The following ADAMTS20 variants were observed in gnomAD, a reference collection of about 807,000 sequenced individuals.
ADAMTS20 encodes A disintegrin and metalloproteinase with thrombospondin motifs 20.
A neutral mutation model predicts 260.1 loss-of-function variants in ADAMTS20; 225 were observed. The observed-to-expected ratio is 0.87, with a 90% CI of 0.78 to 0.97. The LOEUF (loss-of-function observed/expected upper bound fraction) is 0.97. Among genes scored for constraint, ADAMTS20 ranks in the 50% least tolerant of loss-of-function variants. The probability of loss-of-function intolerance (pLI) is 0.00; values close to 1 mark genes in which losing one functional copy is unlikely to be tolerated. For missense variants in ADAMTS20, 2,400 were observed against 2,337.7 expected (o/e 1.03, Z -0.55); for synonymous variants, 802 against 769.5 (o/e 1.04, Z -0.70).
intron 29 of ADAMTS20, 113 bp downstream of exon 29, chr12:43,398,953 T>C (rs1940755296): frequency 1.0e-5 from 7 of 670,736 alleles, no homozygotes; most frequent in African/African-American, 1.9e-5. Flanking sequence ...CAAAAAAGTA[T>C]ATAACAATAA....
At chr12:43,525,692 A>C (rs1943132160) in intron 3 of ADAMTS20, among the ~76,000 whole-genome samples, 1 of 152,258 alleles carries the variant, frequency 6.6e-6, no homozygotes, top group Non-Finnish European at 1.5e-5. Context: ...CATTGAATGC[A>C]AATGGAAACC....
intron 28 of ADAMTS20, among the ~76,000 whole-genome samples, chr12:43,411,790 T>A (rs1941036819): frequency 6.6e-6 from 1 of 152,218 alleles, no homozygotes; most frequent in South Asian, 2.1e-4. Flanking sequence ...ATTTCCTCAA[T>A]CTGTAAGAAA....
At chr12:43,489,113 C>T (rs1735932952) in intron 7 of ADAMTS20, among the ~76,000 whole-genome samples, 1 of 149,744 alleles carries the variant, frequency 6.7e-6, no homozygotes, top group Admixed American at 6.6e-5. Context: ...AATATGATGT[C>T]AAAAAAAATT....
At chr12:43,474,944 C>T (rs1488026938) in intron 7 of ADAMTS20, among the ~76,000 whole-genome samples, 18 of 90,248 alleles carry the variant, frequency 2.0e-4, no homozygotes, top group Non-Finnish European at 3.7e-4. Flanking sequence ...CAGGGATGCC[C>T]TCTCTCACCA....
Position 43,432,549 on chromosome 12 carries a change from C to T in ADAMTS20, c.2931+52G>A, listed in dbSNP as rs1976288. On this transcript the variant is annotated intron_variant, in intron 20 of 38. Coordinates refer to ENST00000389420, the MANE Select transcript of ADAMTS20 (RefSeq NM_025003.5). ...ATTATACTTCAGAGTAACATAAATA[C>T]GTAATTAGAAAGAAAGGGGCAACTT... 970 of 1,603,138 alleles carry T rather than the reference C, an allele frequency of 6.1e-4. 4 individuals are homozygous for T. The African/African-American group carries it at 0.011, about 17-fold the overall frequency.
At chr12:43,504,916 T>A (rs1942819911) in intron 3 of ADAMTS20, among the ~76,000 whole-genome samples, 1 of 152,106 alleles carries the variant, frequency 6.6e-6, no homozygotes, top group African/African-American at 2.4e-5. Context: ...ATCTGGCAAA[T>A]TTTAAATTAG....
intron 2 of ADAMTS20, among the ~76,000 whole-genome samples, chr12:43,540,117 G>T (rs561190770): frequency 2.0e-5 from 3 of 151,976 alleles, no homozygotes; most frequent in Admixed American, 2.0e-4. Context: ...CTCCTGATCC[G>T]CCTCAGCCTC....
intron 3 of ADAMTS20, among the ~76,000 whole-genome samples, chr12:43,513,787 C>G (rs567344176): frequency 6.6e-6 from 1 of 152,044 alleles, no homozygotes; most frequent in East Asian, 1.9e-4. Context: ...TGGAAACCAT[C>G]ATTCTCAGCA....
chr12:43,381,447 G>A (rs1940348545), intron 31 of ADAMTS20, among the ~76,000 whole-genome samples: 1 of 151,898 alleles, frequency 6.6e-6, no homozygotes, highest in Non-Finnish European at 1.5e-5. Context: ...ACTGATAAAA[G>A]TTGGTACCCA....
chr12:43,500,131 C>T (rs745498191), intron 4 of ADAMTS20, among the ~76,000 whole-genome samples: 10 of 151,564 alleles, frequency 6.6e-5, no homozygotes, highest in East Asian at 2.0e-4. Context: ...TGGGCTCAAG[C>T]GATTCTCCAG....
At chr12:43,408,489 G>A (rs12830181) in intron 28 of ADAMTS20, among the ~76,000 whole-genome samples, 5,250 of 152,234 alleles carry the variant, frequency 0.034, 121 homozygotes, top group Non-Finnish European at 0.052. Flanking sequence ...TGCTAGCTGT[G>A]GGAGTTAACA....
chr12:43,541,610 C>T (rs1220850100), intron 2 of ADAMTS20, among the ~76,000 whole-genome samples: 3 of 152,116 alleles, frequency 2.0e-5, no homozygotes, highest in Non-Finnish European at 4.4e-5. Context: ...AGTTTTCTCT[C>T]TCTGACAGTT....
chr12:43,401,818 T>C (rs1174628497), intron 28 of ADAMTS20, among the ~76,000 whole-genome samples: 8 of 151,884 alleles, frequency 5.3e-5, no homozygotes, highest in Middle Eastern at 3.4e-3. Context: ...CCTTGCTTTC[T>C]TGATCCACCA....
rs869040570 is a variant in ADAMTS20 at position 43,405,229 on chromosome 12, CAAAAAAAAA to C, written c.4285-6005_4285-5997del. ...GTAACAAAATGAGACCTCATCTCTA[CAAAAAAAAA>C]AAAAAAAAAAAAAAAAAAAAAAAAT... On this transcript the variant is annotated intron_variant, in intron 28 of 38. Coordinates refer to ENST00000389420, the MANE Select transcript of ADAMTS20 (RefSeq NM_025003.5). 2.8e-4 allele frequency among the ~76,000 whole-genome samples: 15 copies of C among 52,776 alleles called. No homozygotes were observed. In the East Asian group the frequency reaches 3.0e-3, roughly 10 times the overall value. The allele number at this position is 52,776 out of a possible 152,430, so 34.6% of individuals were successfully genotyped here.
At chr12:43,490,812 T>C (rs1047910906) in intron 6 of ADAMTS20, among the ~76,000 whole-genome samples, 2 of 152,146 alleles carry the variant, frequency 1.3e-5, no homozygotes, top group African/African-American at 2.4e-5. Context: ...TTCTCAGATG[T>C]TACGAAGTTG....
chr12:43,402,271 A>C (rs574847953), intron 28 of ADAMTS20, among the ~76,000 whole-genome samples: 1 of 152,140 alleles, frequency 6.6e-6, no homozygotes, highest in Admixed American at 6.5e-5. Flanking sequence ...AAACTCTAAA[A>C]TAATTTACTT....
chr12:43,460,857 G>T (rs1339026059), intron 11 of ADAMTS20, among the ~76,000 whole-genome samples: 2 of 149,484 alleles, frequency 1.3e-5, no homozygotes, highest in Admixed American at 6.7e-5. Flanking sequence ...ACGCTGTATA[G>T]TTCTACTTAC....
At position 43,551,689 on chromosome 12, in the gene ADAMTS20, G is replaced by T; in HGVS notation, c.91+142C>A. The T allele has an allele frequency of 1.2e-6, 1 of 869,434 alleles. No homozygotes were observed. Among genetic ancestry groups the T allele is most frequent in the Non-Finnish European group, 1.8e-6 (1 of 556,374 alleles). The allele number at this position is 869,434 out of a possible 1,614,324, so 53.9% of individuals were successfully genotyped here. ...ACCCGGCGCAGTCGCGACCTCTCCG[G>T]CTGACTGGTCCGGGAGTCCCGGGAG... On this transcript the variant is annotated intron_variant, in intron 1 of 38. Coordinates refer to ENST00000389420, the MANE Select transcript of ADAMTS20 (RefSeq NM_025003.5). The surrounding 1 kb of genome is among the most constrained non-coding windows in gnomAD (Gnocchi z 4.6).
At chr12:43,399,299 A>T in intron 28 of ADAMTS20, 66 bp from the exon 29 acceptor site, 1 of 1,265,512 alleles carries the variant, frequency 7.9e-7, no homozygotes, top group Non-Finnish European at 1.0e-6. Flanking sequence ...TATCTTAAAG[A>T]AGTACAAAAT....
Sources: allele counts gnomAD v4.1 joint callset (sites outside exome capture counted in the v4.1 genomes callset), GRCh38; gene constraint gnomAD v4.1.1; non-coding constraint Gnocchi (gnomAD v3.1); transcripts MANE v1.5; gene names NCBI Gene and HGNC (gene_info 2026-07-23, HGNC 2026-07-21).